Variants in GNAS observed in about 807,000 individuals in gnomAD.
GNAS encodes GNAS complex locus.
In GNAS, 8 loss-of-function variants were observed where a neutral mutation model predicts 54.5. The observed-to-expected ratio is 0.15, with a 90% CI of 0.09 to 0.26. GNAS has a LOEUF of 0.26. GNAS is among the 10% of genes least tolerant of loss of function. The pLI is 1.00. For missense variants in GNAS, 170 were observed against 529.8 expected, an observed-to-expected ratio of 0.32 and a Z score of 6.67; for synonymous variants, 204 against 191.4, an observed-to-expected ratio of 1.07 and a Z score of -0.54.
upstream of GNAS, chr20:58,890,814 G>T (rs1437865775): frequency 1.3e-5 from 2 of 152,496 alleles, no homozygotes; most frequent in African/African-American, 4.8e-5. Context: ...GTGTTCGTGT[G>T]TGTGTGTGGA....
At chr20:58,864,977 T>A (rs898846735) in intron 1 of GNAS, among the ~76,000 whole-genome samples, 12 of 140,608 alleles carry the variant, frequency 8.5e-5, no homozygotes, top group Non-Finnish European at 1.4e-4. Flanking sequence ...GCACGCACAC[T>A]CTCTCTCTCT....
At position 58,901,501 on chromosome 20, in the gene GNAS, G is replaced by A. The variant is rs1384778154; in HGVS notation, c.258-2030G>A. ...TCATCTGTGTTTCTGAGATTCTCCG[G>A]ACCTGCAGCACTTTTACTTAAATGG... On this transcript the variant is annotated intron_variant, in intron 3 of 12. Transcript: ENST00000371085. 4.6e-5 allele frequency among the ~76,000 whole-genome samples: 7 copies of A among 152,188 alleles called. No individual in the cohort carries two copies. The East Asian group carries it at 1.2e-3, about 25-fold the overall frequency.
intron 3 of GNAS, among the ~76,000 whole-genome samples, chr20:58,901,382 TCCCTTTCACTC>T (rs1403749174): frequency 2.0e-5 from 3 of 152,332 alleles, no homozygotes; most frequent in Non-Finnish European, 4.4e-5. Context: ...CAGGACTCAC[TCCCTTTCACTC>T]TAAGGTGGTT....
At chr20:58,900,280 G>A in intron 3 of GNAS, 1 of 420,938 alleles carries the variant, frequency 2.4e-6, no homozygotes, top group Non-Finnish European at 4.3e-6. Flanking sequence ...AACCTACTGT[G>A]TACTAGATGT....
rs563624730 is a variant in GNAS, at chr20:58,841,340, A to C, written c.43+454A>C. On this transcript the variant is annotated intron_variant, in intron 1 of 12. Transcript: ENST00000306090. The surrounding 1 kb of genome is among the most constrained non-coding windows in gnomAD (Gnocchi z 5.0). ...TGCGCGCGCCAACTTTCACGATGTG[A>C]GAGCAGCCGCGCTGTAGAGACACCG... 308 of 1,059,842 alleles carry C rather than the reference A, an allele frequency of 2.9e-4. 1 individual carries two copies. Among genetic ancestry groups the C allele is most frequent in the Admixed American group, 4.0e-4 (8 of 20,182 alleles). The allele number at this position is 1,059,842 out of a possible 1,614,324, so 65.7% of individuals were successfully genotyped here. A position where few individuals can be genotyped will look rare whatever the true frequency, so the allele number is the denominator to read the frequency against.
rs767578371 is a variant in GNAS at position 58,910,892 on chromosome 20, G to A, written c.*63G>A. The A allele has an allele frequency of 1.3e-5, 19 of 1,500,040 alleles. No homozygotes were observed. In the South Asian group the frequency reaches 2.0e-4, roughly 16 times the overall value. 92.9% of individuals were successfully genotyped at this position (1,500,040 alleles called of 1,614,324 possible). On this transcript the variant is annotated 3_prime_UTR_variant, in exon 13 of 13. Transcript: ENST00000371085. The surrounding 1 kb of genome is among the most constrained non-coding windows in gnomAD (Gnocchi z 5.8). ...AATTAATTAAAAGTGAAACGTAATT[G>A]TACAAGCAGTTAATCACCCACCATA...
intron 5 of GNAS, among the ~76,000 whole-genome samples, chr20:58,904,900 A>G (rs113828470): frequency 1.4e-4 from 22 of 152,362 alleles, no homozygotes; most frequent in African/African-American, 4.8e-4. Context: ...TCCTACTAAC[A>G]TCTGAACTTT....
upstream of GNAS, among the ~76,000 whole-genome samples, chr20:58,886,509 A>G (rs1001424748): frequency 2.0e-5 from 3 of 152,156 alleles, no homozygotes; most frequent in Admixed American, 2.0e-4. Context: ...TCCATTGGAA[A>G]GCTCTCTCAT....
At chr20:58,908,234 T>G (rs1167275029) in intron 6 of GNAS, among the ~76,000 whole-genome samples, 1 of 152,218 alleles carries the variant, frequency 6.6e-6, no homozygotes, top group Non-Finnish European at 1.5e-5. Context: ...AAAAAATAAC[T>G]GGTTTTAACA....
chr20:58,893,455 C>T (rs1222276302), intron 1 of GNAS, among the ~76,000 whole-genome samples: 2 of 152,060 alleles, frequency 1.3e-5, no homozygotes, highest in Non-Finnish European at 2.9e-5. Context: ...AGACCTAGTT[C>T]GTGGTCACAT....
At position 58,902,808 on chromosome 20, in the gene GNAS, TGC is replaced by T. The variant is rs2090750632; in HGVS notation, c.258-722_258-721del. ...GTGCAGTGGTGCCATCTCAGCTTACTGCAACCTCCGCCTCCCGGGTTCAAGCA... is the reference window on the plus strand; with the variant it reads ...GTGCAGTGGTGCCATCTCAGCTTACTAACCTCCGCCTCCCGGGTTCAAGCA... On this transcript the variant is annotated intron_variant, in intron 3 of 12. Coordinates refer to ENST00000371085, the MANE Select transcript of GNAS (RefSeq NM_000516.7). 8.7e-5 allele frequency among the ~76,000 whole-genome samples: 12 copies of T among 137,458 alleles called. No individual in the cohort carries two copies. In the Admixed American group the frequency reaches 9.9e-4, roughly 11 times the overall value. The allele number at this position is 137,458 out of a possible 152,430, so 90.2% of individuals were successfully genotyped here. A position where few individuals can be genotyped will look rare whatever the true frequency, so the allele number is the denominator to read the frequency against.
chr20:58,895,387 T>A (rs2089949722), intron 1 of GNAS: 1 of 543,336 alleles, frequency 1.8e-6, no homozygotes, highest in African/African-American at 1.9e-5. Context: ...AACCTTAAAT[T>A]CTTGTTTGTT....
At chr20:58,854,760 GC>G in intron 1 of GNAS, 1 of 1,550,418 alleles carries the variant, frequency 6.4e-7, no homozygotes, top group South Asian at 1.2e-5. Flanking sequence ...GGCTCCCACT[GC>G]CCCAGCCGCT....
In GNAS at chr20:58,841,241, C is replaced by T; in HGVS notation, c.43+355C>T. On this transcript the variant is annotated intron_variant, in intron 1 of 12. Coordinates refer to the GNAS transcript ENST00000306090. This position sits in a 1 kb window ranked among gnomAD's most constrained non-coding sequence, Gnocchi z 5.0. The stretch of plus-strand genomic sequence containing the variant: ...GCATTGGTAAGTCACTTGTTTTGCG[C>T]GCTTTTCTTCCTCCTAGAAAGACTA... 6.7e-6 allele frequency: 6 copies of T among 890,776 alleles called. No individual in the cohort carries two copies. The highest frequency in any genetic ancestry group is 8.5e-6 in the Non-Finnish European group (6 of 702,698). The allele number at this position is 890,776 out of a possible 1,614,324, so 55.2% of individuals were successfully genotyped here. A position where few individuals can be genotyped will look rare whatever the true frequency, so the allele number is the denominator to read the frequency against.
At chr20:58,890,888 T>G (rs55830103), upstream of GNAS, 19,063 of 152,316 alleles carry the variant, frequency 0.13, 1,651 homozygotes, top group Non-Finnish European at 0.18. Context: ...TCCACACTCC[T>G]GCTCTCTGGC....
intron 4 of GNAS, 28 bp from the exon 5 acceptor site, chr20:58,903,644 C>G (rs1569015972): frequency 6.2e-7 from 1 of 1,614,134 alleles, no homozygotes; most frequent in Admixed American, 1.7e-5. Flanking sequence ...AGTGCTGTTC[C>G]CTGACCGCTT....
intron 1 of GNAS, among the ~76,000 whole-genome samples, chr20:58,892,842 G>A (rs542154991): frequency 2.0e-5 from 3 of 151,632 alleles, no homozygotes; most frequent in Non-Finnish European, 4.4e-5. Context: ...TTTTTCAAAA[G>A]CAGAGCGGAG....
chr20:58,852,502 G>A (rs941320570), intron 1 of GNAS, among the ~76,000 whole-genome samples: 1 of 152,192 alleles, frequency 6.6e-6, no homozygotes, highest in Non-Finnish European at 1.5e-5. Context: ...CTTGAGATCC[G>A]GGGCTGCCTG....
chr20:58,878,251 A>G (rs1176169974), intron 1 of GNAS, among the ~76,000 whole-genome samples: 1 of 152,220 alleles, frequency 6.6e-6, no homozygotes, highest in Non-Finnish European at 1.5e-5. Flanking sequence ...ACTAAACACC[A>G]AGGGGCATCG....
Sources: allele counts gnomAD v4.1 joint callset (sites outside exome capture counted in the v4.1 genomes callset), GRCh38; gene constraint gnomAD v4.1.1; non-coding constraint Gnocchi (gnomAD v3.1); transcripts MANE v1.5; gene names NCBI Gene and HGNC (gene_info 2026-07-23, HGNC 2026-07-21).